The following CDH6 variants were observed in gnomAD, a reference collection of about 807,000 sequenced individuals.
CDH6 encodes the protein cadherin-6.
In CDH6, 31 loss-of-function variants were observed where a neutral mutation model predicts 78.0. That is an observed-to-expected ratio of 0.40 (90% CI 0.30 to 0.54). The LOEUF (loss-of-function observed/expected upper bound fraction) is 0.54, where lower values mean the gene tolerates loss of function less well. CDH6 is among the 20% of genes least tolerant of loss of function. The pLI is 0.56. For missense variants in CDH6, 724 were observed against 975.9 expected (o/e 0.74, Z 3.44); for synonymous variants, 376 against 368.8 (o/e 1.02, Z -0.23).
At chr5:31,263,253 TCTC>T (rs1434695365) in intron 1 of CDH6, among the ~76,000 whole-genome samples, 70 of 142,964 alleles carry the variant, frequency 4.9e-4, no homozygotes, top group African/African-American at 1.8e-3. Context: ...GATTCAGGTC[TCTC>T]TTCTTTTTTT....
chr5:31,288,809 CA>C (rs1164620585), intron 2 of CDH6, among the ~76,000 whole-genome samples: 3 of 152,208 alleles, frequency 2.0e-5, no homozygotes, highest in African/African-American at 7.2e-5. Flanking sequence ...ATTACATTTG[CA>C]CTACACCGTA....
At position 31,293,975 on chromosome 5, in the gene CDH6, A is replaced by G; in HGVS notation, c.242A>G (p.Gln81Arg). Reference protein sequence around the residue: ...YQYVGKLHSDQDRGDGSLKYI... With the variant: ...YQYVGKLHSDRDRGDGSLKYI... ...TTTCTACACTAGTTACATTCAGACC[A>G]GGATAGAGGAGATGGATCACTTAAA... The change falls in exon 3 of 12, where the codon CAG becomes CGG. Residue 81 changes from glutamine (Q) to arginine (R), a missense_variant. By Grantham distance (43) the Gln-to-Arg change is conservative. Around this residue, in one of 3 missense-constraint regions of CDH6, gnomAD observed 446 missense variants for 684.5 expected, o/e 0.65. Transcript: ENST00000265071. 6.3e-7 allele frequency: 1 copy of G among 1,597,072 alleles called. No individual in the cohort carries two copies. Among genetic ancestry groups the G allele is most frequent in the Non-Finnish European group, 8.5e-7 (1 of 1,172,300 alleles).
chr5:31,263,276 T>TC (rs1742258433), intron 1 of CDH6, among the ~76,000 whole-genome samples: 1 of 149,612 alleles, frequency 6.7e-6, no homozygotes, highest in South Asian at 2.1e-4. Flanking sequence ...TTTTTTTTTT[T>TC]CCAGACAGTT....
At chr5:31,200,774 TTA>T (rs1740330861) in intron 1 of CDH6, among the ~76,000 whole-genome samples, 1 of 152,054 alleles carries the variant, frequency 6.6e-6, no homozygotes, top group Non-Finnish European at 1.5e-5. Flanking sequence ...CAGTCACGTT[TTA>T]TATGGTTGAC....
Position 31,324,900 on chromosome 5 carries a change from G to C in CDH6, c.*1592G>C, listed in dbSNP as rs781165350. On this transcript the variant is annotated 3_prime_UTR_variant, in exon 12 of 12. Transcript: ENST00000265071. ...ACTATAATGAAAACATCCTTGTTTT[G>C]AAAACCTAAAAGACAGGCTCTGTAT... 4 of 201,246 alleles carry C rather than the reference G, an allele frequency of 2.0e-5. No homozygotes were observed. Among genetic ancestry groups the C allele is most frequent in the Non-Finnish European group, 4.1e-5 (4 of 98,108 alleles). 12.5% of individuals were successfully genotyped at this position (201,246 alleles called of 1,614,324 possible). A position where few individuals can be genotyped will look rare whatever the true frequency, so the allele number is the denominator to read the frequency against.
At chr5:31,219,102 G>A (rs1254355204) in intron 1 of CDH6, among the ~76,000 whole-genome samples, 2 of 152,186 alleles carry the variant, frequency 1.3e-5, no homozygotes, top group African/African-American at 2.4e-5. Context: ...AGCAATTGAA[G>A]GCCGAATAGA....
intron 1 of CDH6, among the ~76,000 whole-genome samples, chr5:31,253,076 C>G (rs1741952504): frequency 6.6e-6 from 1 of 152,206 alleles, no homozygotes; most frequent in South Asian, 2.1e-4. Flanking sequence ...AAGGCACCAG[C>G]AAATTCAGTG....
At chr5:31,293,844 C>G in intron 2 of CDH6, 118 bp from the exon 3 acceptor site, 1 of 515,050 alleles carries the variant, frequency 1.9e-6, no homozygotes, top group Non-Finnish European at 3.2e-6. Context: ...AAAAAAAAAA[C>G]TTGTATTCCT....
Position 31,324,879 on chromosome 5 carries a change from T to A in CDH6, c.*1571T>A, listed in dbSNP as rs1738584655. 9.8e-6 allele frequency: 2 copies of A among 203,124 alleles called. No individual in the cohort carries two copies. Among genetic ancestry groups the A allele is most frequent in the African/African-American group, 4.6e-5 (2 of 43,716 alleles). The allele number at this position is 203,124 out of a possible 1,614,324, so 12.6% of individuals were successfully genotyped here. A position where few individuals can be genotyped will look rare whatever the true frequency, so the allele number is the denominator to read the frequency against. On this transcript the variant is annotated 3_prime_UTR_variant, in exon 12 of 12. Coordinates refer to ENST00000265071, the MANE Select transcript of CDH6 (RefSeq NM_004932.4). ...AGTCATCAGAAATTCCAGCGTACTA[T>A]AATGAAAACATCCTTGTTTTGAAAA...
chr5:31,201,862 A>G (rs1345239885), intron 1 of CDH6, among the ~76,000 whole-genome samples: 1 of 152,216 alleles, frequency 6.6e-6, no homozygotes, highest in African/African-American at 2.4e-5. Flanking sequence ...GGGTCTCTTA[A>G]TTAAAACTTA....
chr5:31,274,795 TG>T (rs1233262020), intron 2 of CDH6, among the ~76,000 whole-genome samples: 1 of 152,234 alleles, frequency 6.6e-6, no homozygotes, highest in Non-Finnish European at 1.5e-5. Flanking sequence ...ACTCCCAGCC[TG>T]GGCAAGAGAA....
chr5:31,274,818 C>G (rs993764951), intron 2 of CDH6, among the ~76,000 whole-genome samples: 6 of 152,132 alleles, frequency 3.9e-5, no homozygotes, highest in Non-Finnish European at 8.8e-5. Context: ...GAGACTCTGT[C>G]TCAAATAAAT....
chr5:31,198,542 T>C (rs1313096197), intron 1 of CDH6, among the ~76,000 whole-genome samples: 2 of 152,118 alleles, frequency 1.3e-5, no homozygotes, highest in Non-Finnish European at 2.9e-5. Flanking sequence ...GAACACTGTG[T>C]TTTCTCTTTC....
chr5:31,276,856 TAC>T (rs1561054294), intron 2 of CDH6, among the ~76,000 whole-genome samples: 1 of 152,184 alleles, frequency 6.6e-6, no homozygotes, highest in Non-Finnish European at 1.5e-5. Flanking sequence ...AATAACTTAA[TAC>T]ACAGAAAAGG....
chr5:31,278,215 A>T (rs1742752146), intron 2 of CDH6, among the ~76,000 whole-genome samples: 1 of 152,194 alleles, frequency 6.6e-6, no homozygotes, highest in Non-Finnish European at 1.5e-5. Context: ...AAGTTCAAGG[A>T]TGTTTTAGAT....
At chr5:31,241,045 T>C (rs537719413) in intron 1 of CDH6, among the ~76,000 whole-genome samples, 12 of 152,300 alleles carry the variant, frequency 7.9e-5, no homozygotes, top group South Asian at 2.1e-4. Context: ...GGAAACTGGA[T>C]TGGGGAGAGA....
chr5:31,262,002 T>C (rs934618658), intron 1 of CDH6, among the ~76,000 whole-genome samples: 1 of 152,214 alleles, frequency 6.6e-6, no homozygotes, highest in Non-Finnish European at 1.5e-5. Flanking sequence ...GACATGCTAG[T>C]TTGTCTTCTC....
chr5:31,317,567 A>ATGTATG (rs1320449536), intron 10 of CDH6, 75 bp downstream of exon 10: 1 of 1,514,136 alleles, frequency 6.6e-7, no homozygotes, highest in Admixed American at 1.7e-5. Flanking sequence ...ATATGTGTAT[A>ATGTATG]TGTATATGTA....
intron 2 of CDH6, among the ~76,000 whole-genome samples, chr5:31,273,554 C>T (rs189666190): frequency 7.1e-4 from 108 of 152,206 alleles, no homozygotes; most frequent in African/African-American, 2.6e-3. Flanking sequence ...CCCCGACAGA[C>T]GATACTGTCT....
Sources: allele counts gnomAD v4.1 joint callset (sites outside exome capture counted in the v4.1 genomes callset), GRCh38; gene constraint gnomAD v4.1.1; regional missense constraint gnomAD v4.1.1; transcripts MANE v1.5; gene names NCBI Gene and HGNC (gene_info 2026-07-23, HGNC 2026-07-21).